The following LZTR1 variants were observed in gnomAD, a reference collection of about 807,000 sequenced individuals.
LZTR1 encodes leucine zipper like post translational regulator 1.
A neutral mutation model predicts 105.7 loss-of-function variants in LZTR1; 260 were observed. The ratio of observed to expected loss-of-function variants is 2.46; its 90% CI spans 2.22 to 2.72. The LOEUF (loss-of-function observed/expected upper bound fraction) is 2.72. LZTR1 is among the 30% of genes most tolerant of loss of function. LZTR1 has a pLI of 0.00. For synonymous variants in LZTR1, 490 were observed against 476.4 expected (o/e 1.03, Z -0.37); for missense variants, 1,214 against 1,166.9 (o/e 1.04, Z -0.59).
At chr22:20,992,680 C>A in intron 10 of LZTR1, 114 bp from the exon 11 acceptor site, 1 of 716,884 alleles carries the variant, frequency 1.4e-6, no homozygotes, top group Non-Finnish European at 2.4e-6. Flanking sequence ...GGGGACCCTG[C>A]CCCCTGGCCC....
At chr22:20,990,285 A>C (rs1924554286) in intron 7 of LZTR1, 101 bp from the exon 8 acceptor site, 2 of 1,302,690 alleles carry the variant, frequency 1.5e-6, no homozygotes, top group South Asian at 1.2e-5. Context: ...CATCTGGGGA[A>C]GTTTCAAGAA....
At chr22:20,987,238 C>CA (rs1204353140) in intron 3 of LZTR1, 2 of 372,532 alleles carry the variant, frequency 5.4e-6, no homozygotes, top group South Asian at 6.0e-5. Context: ...TACAAAAATA[C>CA]AAAAAATTAG....
chr22:20,987,877 G>A, intron 4 of LZTR1, 133 bp from the exon 5 acceptor site: 1 of 660,822 alleles, frequency 1.5e-6, no homozygotes, highest in Non-Finnish European at 2.7e-6. Flanking sequence ...CAGGCAGCAG[G>A]TCGTTCCGGG....
chr22:20,997,252 G>A lies in LZTR1; in HGVS notation c.2427G>A (p.Leu809=). The A allele has an allele frequency of 6.2e-7, 1 of 1,613,732 alleles. No individual in the cohort carries two copies. The highest frequency in any genetic ancestry group is 8.5e-7 in the Non-Finnish European group (1 of 1,179,784). The change falls in exon 21 of 21, where the codon CTG becomes CTA. Residue 809 remains leucine, a synonymous_variant. Coordinates refer to ENST00000646124, the MANE Select transcript of LZTR1 (RefSeq NM_006767.4). ...QFTKVSKLPT[L]RSLSQQLLLD... ...TACAGGTCTCCAAGTTGCCCACCCT[G>A]CGGTCGCTGAGCCAGCAGCTGCTGC...
rs774123273 is a variant in LZTR1, at chr22:20,996,745, C to T, written c.2269C>T (p.Gln757Ter). Residue 757 changes from glutamine (Q) to a stop codon, truncating the protein, a stop_gained, in exon 19 of 21, where the codon CAG (glutamine) becomes TAG (stop). Coordinates refer to ENST00000646124, the MANE Select transcript of LZTR1 (RefSeq NM_006767.4). LOFTEE classifies it high-confidence loss of function. ...YYYGFYNNRL[Q>*]AYCKQNLEMN... ...CTACGGCTTCTACAACAACCGGCTG[C>T]AGGCGTACTGCAAGCAGAACCTGGA... 5 of 1,613,404 alleles carry T rather than the reference C, an allele frequency of 3.1e-6. No individual in the cohort carries two copies. The African/African-American group carries it at 5.3e-5, about 17-fold the overall frequency.
intron 18 of LZTR1, chr22:20,996,489 A>G: frequency 1.7e-6 from 1 of 596,604 alleles, no homozygotes; most frequent in Non-Finnish European, 3.0e-6. Flanking sequence ...AGCGCTACAG[A>G]TGTACAGACA....
chr22:20,987,674 C>A, intron 4 of LZTR1, 91 bp downstream of exon 4: 1 of 1,178,622 alleles, frequency 8.5e-7, no homozygotes, highest in East Asian at 2.3e-5. Flanking sequence ...TGTGCTCGTG[C>A]TGTGTACAGC....
intron 3 of LZTR1, chr22:20,986,603 T>C (rs1347413559): frequency 1.3e-5 from 2 of 151,892 alleles, no homozygotes; most frequent in African/African-American, 2.4e-5. Context: ...TGACAGACAA[T>C]AGATGATAGA....
intron 3 of LZTR1, chr22:20,987,259 T>C (rs992963030): frequency 4.6e-5 from 20 of 436,282 alleles, no homozygotes; most frequent in Non-Finnish European, 7.3e-5. Flanking sequence ...CTGGGCATGA[T>C]GGTGGGTGCC....
Position 20,994,145 on chromosome 22 carries a change from C to T in LZTR1, c.1491C>T (p.Pro497=), listed in dbSNP as rs749713272. The T allele has an allele frequency of 1.3e-5, 20 of 1,592,690 alleles. No individual in the cohort carries two copies. The highest frequency in any genetic ancestry group is 1.1e-4 in the East Asian group (5 of 43,952). ...QEAAPVPREA[P]GVAAGGARPP... Reference sequence around the variant, plus strand: ...CCGCCCCAGTTCCCAGGGAGGCCCCCGGCGTGGCTGCTGGTGGGGCCCGGC... The same window carrying T: ...CCGCCCCAGTTCCCAGGGAGGCCCCTGGCGTGGCTGCTGGTGGGGCCCGGC... Residue 497 remains proline, a synonymous_variant, in exon 14 of 21, where the codon CCC becomes CCT. Coordinates refer to ENST00000646124, the MANE Select transcript of LZTR1 (RefSeq NM_006767.4).
rs1256218115 is a variant in LZTR1, at chr22:20,997,286, AT to A, written c.2462del (p.Ile821LysfsTer70). 1 of 1,613,834 alleles carries A rather than the reference AT, an allele frequency of 6.2e-7. No homozygotes were observed. Among genetic ancestry groups the A allele is most frequent in the South Asian group, 1.1e-5 (1 of 91,082 alleles). On this transcript the variant is annotated frameshift_variant, in exon 21 of 21. Coordinates refer to ENST00000646124, the MANE Select transcript of LZTR1 (RefSeq NM_006767.4). LOFTEE classifies it high-confidence loss of function. ...SLSQQLLLDI[I>X]DSLASHISDK... ...GAGCCAGCAGCTGCTGCTGGACATC[AT>A]AGACTCCCTGGCCTCCCACATCTCA...
chr22:20,987,420 C>T, intron 3 of LZTR1, 84 bp from the exon 4 acceptor site: 3 of 739,958 alleles, frequency 4.1e-6, no homozygotes, highest in Non-Finnish European at 7.2e-6. Context: ...AGAAAGGCAG[C>T]ACAGGGATGC....
intron 17 of LZTR1, 25 bp from the exon 18 acceptor site, chr22:20,995,938 G>A: frequency 6.2e-7 from 1 of 1,613,418 alleles, no homozygotes; most frequent in Non-Finnish European, 8.5e-7. Context: ...CTGACGGCCA[G>A]GTGCCTACCG....
rs546923802 is a variant in LZTR1, at chr22:20,982,887, G to A, written c.201-140G>A. 4 of 707,548 alleles carry A rather than the reference G, an allele frequency of 5.7e-6. No homozygotes were observed. In the Admixed American group the frequency reaches 8.7e-5, roughly 15 times the overall value. The allele number at this position is 707,548 out of a possible 1,614,324, so 43.8% of individuals were successfully genotyped here. The stretch of plus-strand genomic sequence containing the variant: ...GGGGTCCTCACTTGCAGGATGATTG[G>A]TGTTATCTTAGAAGATGATGGATCT... On this transcript the variant is annotated intron_variant, in intron 1 of 20. Transcript: ENST00000646124.
intron 20 of LZTR1, 54 bp downstream of exon 20, chr22:20,997,020 C>G (rs1376028308): frequency 6.3e-7 from 1 of 1,577,590 alleles, no homozygotes; most frequent in South Asian, 1.1e-5. Flanking sequence ...AGTGGCCATG[C>G]CCAGGCAGGG....
intron 14 of LZTR1, 75 bp from the exon 15 acceptor site, chr22:20,994,483 A>AT (rs1204093055): frequency 6.7e-7 from 1 of 1,499,634 alleles, no homozygotes; most frequent in African/African-American, 1.4e-5. Flanking sequence ...ACACTCTTCC[A>AT]TGGGGGGAGC....
rs756486259 is a variant in LZTR1 at position 20,993,750 on chromosome 22, G to A, written c.1349G>A (p.Gly450Asp). 5 of 1,612,462 alleles carry A rather than the reference G, an allele frequency of 3.1e-6. No homozygotes were observed. Among genetic ancestry groups the A allele is most frequent in the Non-Finnish European group, 4.2e-6 (5 of 1,179,610 alleles). ...RQFCDVEFVL[G>D]EKEECVQGHV... ...TTCTGCGACGTGGAGTTCGTGCTGGGTGAGGTGGGTGCCTGTCCTCGCACC... is the reference window on the plus strand; with the variant it reads ...TTCTGCGACGTGGAGTTCGTGCTGGATGAGGTGGGTGCCTGTCCTCGCACC... The change falls in exon 12 of 21, where the codon GGT becomes GAT. Residue 450 changes from glycine (G) to aspartate (D), a missense_variant. Transcript: ENST00000646124.
In LZTR1 at chr22:20,993,756, TGGG is replaced by T. The variant is rs1410877734; in HGVS notation, c.1353+3_1353+5del. On this transcript the variant is annotated splice_donor_5th_base_variant and intron_variant, in intron 12 of 20. Coordinates refer to ENST00000646124, the MANE Select transcript of LZTR1 (RefSeq NM_006767.4). Reference sequence around the variant, plus strand: ...GACGTGGAGTTCGTGCTGGGTGAGGTGGGTGCCTGTCCTCGCACCCTGCTCTGC... The same window carrying T: ...GACGTGGAGTTCGTGCTGGGTGAGGTTGCCTGTCCTCGCACCCTGCTCTGC... 1 of 1,611,668 alleles carries T rather than the reference TGGG, an allele frequency of 6.2e-7. No individual in the cohort carries two copies. Among genetic ancestry groups the T allele is most frequent in the African/African-American group, 1.3e-5 (1 of 74,892 alleles).
At position 20,995,120 on chromosome 22, in the gene LZTR1, C is replaced by T. The variant is rs766765888; in HGVS notation, c.1942+94C>T. 3.8e-4 allele frequency: 541 copies of T among 1,429,100 alleles called. 2 individuals are homozygous for T. The highest frequency in any genetic ancestry group is 5.0e-4 in the Non-Finnish European group (526 of 1,054,844). 88.5% of individuals were successfully genotyped at this position (1,429,100 alleles called of 1,614,324 possible). A position where few individuals can be genotyped will look rare whatever the true frequency, so the allele number is the denominator to read the frequency against. On this transcript the variant is annotated intron_variant, in intron 16 of 20. Transcript: ENST00000646124. ...AGCCATGGAGAGCACCTGCCAGGCC[C>T]TCGGGGTGGGGGTGGGTGCCATGGG... is the stretch of plus-strand genomic sequence containing the variant.
Sources: gnomAD v4.1 joint callset for allele counts on GRCh38, gnomAD v4.1.1 for gene constraint, MANE v1.5 for transcripts, NCBI Gene and HGNC (gene_info 2026-07-23, HGNC 2026-07-21) for gene names.